The following LCK variants were observed in gnomAD, a reference collection of about 807,000 sequenced individuals.
LCK encodes the protein LCK proto-oncogene, Src family tyrosine kinase.
In LCK, 14 loss-of-function variants were observed where a neutral mutation model predicts 64.6. The ratio of observed to expected loss-of-function variants is 0.22; its 90% CI spans 0.14 to 0.34. LCK has a LOEUF of 0.34. Ranked by LOEUF, LCK falls within the 10% of genes least tolerant of loss-of-function variation. The probability of loss-of-function intolerance (pLI) is 1.00; values close to 1 mark genes in which losing one functional copy is unlikely to be tolerated. For missense variants in LCK, 434 were observed against 668.1 expected (o/e 0.65, Z 3.86); for synonymous variants, 277 against 263.6 (o/e 1.05, Z -0.49).
At chr1:32,281,888 C>A (rs1409875465) in intron 12 of LCK, among the ~76,000 whole-genome samples, 1 of 151,792 alleles carries the variant, frequency 6.6e-6, no homozygotes, top group Non-Finnish European at 1.5e-5. Flanking sequence ...CATGGTGAAA[C>A]CCCGTCTCTA....
chr1:32,285,440 A>C, intron 12 of LCK, 74 bp from the exon 13 acceptor site: 1 of 1,339,700 alleles, frequency 7.5e-7, no homozygotes, highest in Non-Finnish European at 1.1e-6. Flanking sequence ...TGCCAGTTAA[A>C]TATTCCGAAC....
Position 32,276,945 on chromosome 1 carries a change from G to C in LCK, c.964+159G>C. 1 of 694,428 alleles carries C rather than the reference G, an allele frequency of 1.4e-6. No individual in the cohort carries two copies. The highest frequency in any genetic ancestry group is 2.2e-6 in the Non-Finnish European group (1 of 449,726). The allele number at this position is 694,428 out of a possible 1,614,324, so 43.0% of individuals were successfully genotyped here. ...GACTCACCTCCAGCCGGGCGCGGTG[G>C]CTCAGGCCTGTAATCCCAGCACTTT... On this transcript the variant is annotated intron_variant, in intron 9 of 12. Transcript: ENST00000336890. The surrounding 1 kb of genome is among the most constrained non-coding windows in gnomAD (Gnocchi z 4.6).
chr1:32,281,553 T>C (rs1640460829), intron 12 of LCK, among the ~76,000 whole-genome samples: 1 of 151,994 alleles, frequency 6.6e-6, no homozygotes, highest in African/African-American at 2.4e-5. Flanking sequence ...CAGTATACAC[T>C]GACTCCTCCC....
chr1:32,270,104 C>G (rs1640035381), intron 1 of LCK, among the ~76,000 whole-genome samples: 1 of 152,126 alleles, frequency 6.6e-6, no homozygotes, highest in Non-Finnish European at 1.5e-5. Flanking sequence ...TTCTCTCTCT[C>G]TGTCTCTCTT....
chr1:32,285,549 C>A lies in LCK; in HGVS notation c.1363C>A (p.Arg455=), dbSNP rs760600201. 1.9e-6 allele frequency: 3 copies of A among 1,614,220 alleles called. No individual in the cohort carries two copies. In the South Asian group the frequency reaches 3.3e-5, roughly 18 times the overall value. Residue 455 remains arginine, a synonymous_variant, in exon 13 of 13, where the codon CGA becomes AGA. Coordinates refer to ENST00000336890, the MANE Select transcript of LCK (RefSeq NM_005356.5). ...TNPEVIQNLE[R]GYRMVRPDNC... is the part of the protein sequence containing the mutation. ...CCCGGAGGTGATTCAGAACCTGGAG[C>A]GAGGCTACCGCATGGTGCGCCCTGA...
intron 1 of LCK, among the ~76,000 whole-genome samples, chr1:32,259,632 T>TA (rs1557571894): frequency 1.5e-3 from 219 of 148,204 alleles, no homozygotes; most frequent in African/African-American, 5.3e-3. Context: ...AAAATAAAAA[T>TA]AATAATAATA....
chr1:32,280,818 C>A (rs1640436476), intron 12 of LCK, among the ~76,000 whole-genome samples: 1 of 152,164 alleles, frequency 6.6e-6, no homozygotes, highest in Non-Finnish European at 1.5e-5. Context: ...AGCTCAGGAA[C>A]AAGAGGCCTA....
At chr1:32,269,131 A>G (rs555349143) in intron 1 of LCK, among the ~76,000 whole-genome samples, 2 of 144,688 alleles carry the variant, frequency 1.4e-5, no homozygotes, top group East Asian at 4.2e-4. Flanking sequence ...AAAAAAGGAA[A>G]GAGAGAAAAG....
chr1:32,257,595 T>A (rs1471107560), intron 1 of LCK, among the ~76,000 whole-genome samples: 1 of 152,056 alleles, frequency 6.6e-6, no homozygotes, highest in Non-Finnish European at 1.5e-5. Context: ...TGGATTGAAT[T>A]TGGGTTGCCA....
chr1:32,271,299 G>A (rs185813859), intron 1 of LCK, among the ~76,000 whole-genome samples: 6 of 152,138 alleles, frequency 3.9e-5, no homozygotes, highest in East Asian at 1.9e-4. Context: ...CACCACGCCC[G>A]GCCAGCAACT....
intron 12 of LCK, among the ~76,000 whole-genome samples, chr1:32,281,046 A>G (rs1640442548): frequency 6.6e-6 from 1 of 151,942 alleles, no homozygotes; most frequent in Admixed American, 6.6e-5. Flanking sequence ...GTTCGAGACC[A>G]GCCTGGGAAA....
chr1:32,274,623 C>T (rs975332947), intron 2 of LCK, 114 bp from the exon 3 acceptor site: 26 of 990,134 alleles, frequency 2.6e-5, no homozygotes, highest in Non-Finnish European at 3.5e-5. Context: ...TTGGTAAACT[C>T]AGGGATAACA....
At chr1:32,271,532 C>T (rs1269936159) in intron 1 of LCK, among the ~76,000 whole-genome samples, 2 of 152,132 alleles carry the variant, frequency 1.3e-5, no homozygotes, top group South Asian at 2.1e-4. Flanking sequence ...AAAAAATCAC[C>T]TGGGCTCAGT....
At chr1:32,259,583 G>A (rs1639715369) in intron 1 of LCK, among the ~76,000 whole-genome samples, 1 of 151,332 alleles carries the variant, frequency 6.6e-6, no homozygotes, top group Admixed American at 6.6e-5. Flanking sequence ...TTGCACCACT[G>A]CACTCCAGCC....
chr1:32,273,957 G>A (rs1188143432), intron 1 of LCK, among the ~76,000 whole-genome samples: 1 of 152,176 alleles, frequency 6.6e-6, no homozygotes, highest in Non-Finnish European at 1.5e-5. Context: ...GGGAAAGTGT[G>A]TGTCATCTCT....
chr1:32,280,320 T>TAG (rs2124370090), intron 12 of LCK, 110 bp downstream of exon 12: 1 of 1,418,212 alleles, frequency 7.1e-7, no homozygotes, highest in East Asian at 2.4e-5. Context: ...GCATCTCCTC[T>TAG]ATCTTCTCAG....
intron 1 of LCK, among the ~76,000 whole-genome samples, chr1:32,265,723 C>T (rs1388990196): frequency 6.6e-6 from 1 of 152,150 alleles, no homozygotes; most frequent in Non-Finnish European, 1.5e-5. Context: ...GGACCAGGTA[C>T]CAGCTTCCAG....
intron 1 of LCK, among the ~76,000 whole-genome samples, chr1:32,256,221 C>A (rs907696182): frequency 6.6e-6 from 1 of 151,942 alleles, no homozygotes; most frequent in African/African-American, 2.4e-5. Context: ...TCACTGCAAC[C>A]TCTGTCTCCG....
intron 2 of LCK, 73 bp downstream of exon 2, chr1:32,274,507 C>T: frequency 9.7e-6 from 12 of 1,237,180 alleles, no homozygotes; most frequent in Non-Finnish European, 1.4e-5. Flanking sequence ...AAATGACCAG[C>T]ACTACAGGCC....
Sources: allele counts gnomAD v4.1 joint callset (sites outside exome capture counted in the v4.1 genomes callset), GRCh38; gene constraint gnomAD v4.1.1; non-coding constraint Gnocchi (gnomAD v3.1); transcripts MANE v1.5; gene names NCBI Gene and HGNC (gene_info 2026-07-23, HGNC 2026-07-21).